DAB1: variants seen among roughly 807,000 people sequenced by gnomAD.
The protein encoded by DAB1 is DAB adaptor protein 1, also known as disabled homolog 1.
In DAB1, 15 loss-of-function variants were observed where a neutral mutation model predicts 64.6. That is an observed-to-expected ratio of 0.23 (90% CI 0.16 to 0.36). The LOEUF (loss-of-function observed/expected upper bound fraction) is 0.36, where lower values mean the gene tolerates loss of function less well. Ranked by LOEUF, DAB1 falls within the 10% of genes least tolerant of loss-of-function variation. DAB1 has a pLI of 1.00. For missense variants in DAB1, 596 were observed against 706.7 expected (o/e 0.84, Z 1.78); for synonymous variants, 235 against 251.9 (o/e 0.93, Z 0.64).
At chr1:58,425,203 A>G (rs1485911264) in intron 3 of DAB1, among the ~76,000 whole-genome samples, 1 of 152,230 alleles carries the variant, frequency 6.6e-6, no homozygotes, top group Non-Finnish European at 1.5e-5. Context: ...TTTTCTAACC[A>G]GGTCCAGAGA....
At chr1:57,769,782 GT>G (rs1649477193) in intron 6 of DAB1, among the ~76,000 whole-genome samples, 1 of 152,172 alleles carries the variant, frequency 6.6e-6, no homozygotes, top group African/African-American at 2.4e-5. Context: ...GTTTTGGGGT[GT>G]TTTAGAACGG....
chr1:58,431,861 T>C (rs1180756568), intron 3 of DAB1, among the ~76,000 whole-genome samples: 3 of 152,160 alleles, frequency 2.0e-5, no homozygotes, highest in African/African-American at 7.2e-5. Context: ...AGATGTGAAC[T>C]GATGAGATGT....
rs374226406 is a variant in DAB1 at position 57,272,904 on chromosome 1, G to A, written c.67+18060C>T. ...CATTCTCCTTTGTTTGTGATAAGAA[G>A]AAATAAGAAAAGTGTGGGAAGAATA... On this transcript the variant is annotated intron_variant, in intron 2 of 14. Transcript: ENST00000371236. Among the ~76,000 whole-genome samples, 108 of 152,296 alleles carry A rather than the reference G, an allele frequency of 7.1e-4. 1 individual carries two copies. Among genetic ancestry groups the A allele is most frequent in the African/African-American group, 2.5e-3 (103 of 41,572 alleles).
At chr1:57,809,525 C>T (rs2101882541) in intron 6 of DAB1, among the ~76,000 whole-genome samples, 1 of 152,214 alleles carries the variant, frequency 6.6e-6, no homozygotes, top group African/African-American at 2.4e-5. Flanking sequence ...CTCCCTTTAC[C>T]TTAAAAAGTT....
At position 57,429,701 on chromosome 1, in the gene DAB1, C is replaced by A. The variant is rs777105972; in HGVS notation, n.626-138535G>T. Among the ~76,000 whole-genome samples, 14 of 152,066 alleles carry A rather than the reference C, an allele frequency of 9.2e-5. 1 individual carries two copies. The highest frequency in any genetic ancestry group is 2.6e-4 in the Admixed American group (4 of 15,258). On this transcript the variant is annotated intron_variant and non_coding_transcript_variant, in intron 7 of 20. Coordinates refer to the DAB1 transcript ENST00000485760. Reference sequence around the variant, plus strand: ...ATAAGGATTCAATTTCATTCTTTTGCTTGTGGACATGCAGTTTTCCCAACA... The same window carrying A: ...ATAAGGATTCAATTTCATTCTTTTGATTGTGGACATGCAGTTTTCCCAACA...
At chr1:58,318,995 T>C (rs1662620747) in intron 4 of DAB1, among the ~76,000 whole-genome samples, 1 of 151,350 alleles carries the variant, frequency 6.6e-6, no homozygotes, top group African/African-American at 2.4e-5. Context: ...GAAAAGGGGG[T>C]TTTGGAGGCA....
chr1:57,741,971 C>T (rs1217777279), intron 6 of DAB1, among the ~76,000 whole-genome samples: 8 of 152,120 alleles, frequency 5.3e-5, no homozygotes, highest in Non-Finnish European at 1.0e-4. Context: ...TATTGGATCT[C>T]CACAGGAGCA....
intron 1 of DAB1, among the ~76,000 whole-genome samples, chr1:57,346,247 A>C (rs1463598216): frequency 1.3e-5 from 2 of 152,204 alleles, no homozygotes; most frequent in Non-Finnish European, 2.9e-5. Context: ...GAGAAGACGG[A>C]GGAGGATCCT....
At chr1:58,439,086 A>G (rs369981473) in intron 3 of DAB1, among the ~76,000 whole-genome samples, 1 of 33,850 alleles carries the variant, frequency 3.0e-5, no homozygotes, top group Non-Finnish European at 6.3e-5. Context: ...ATCGTTCCCC[A>G]CCCACCCACC....
At chr1:57,606,551 A>T (rs1436667173) in intron 7 of DAB1, among the ~76,000 whole-genome samples, 9 of 114,318 alleles carry the variant, frequency 7.9e-5, no homozygotes, top group East Asian at 4.3e-4. Context: ...TATATAATAT[A>T]ATATATTATA....
At chr1:57,140,216 A>T (rs535415) in intron 3 of DAB1, among the ~76,000 whole-genome samples, 20,275 of 152,206 alleles carry the variant, frequency 0.13, 1,501 homozygotes, top group South Asian at 0.18. Context: ...GTAAGTCACC[A>T]CTGGAAACTG....
At chr1:57,868,191 T>C (rs1221054915) in intron 1 of DAB1, among the ~76,000 whole-genome samples, 1 of 152,128 alleles carries the variant, frequency 6.6e-6, no homozygotes, top group African/African-American at 2.4e-5. Context: ...GCACTATTAA[T>C]TTGATTAATA....
intron 2 of DAB1, among the ~76,000 whole-genome samples, chr1:57,170,471 C>T (rs1023688418): frequency 6.6e-6 from 1 of 152,164 alleles, no homozygotes; most frequent in Non-Finnish European, 1.5e-5. Flanking sequence ...CAGGTAGGCA[C>T]ACAAGGGCAA....
At chr1:57,078,548 TG>T (rs1652198710) in intron 4 of DAB1, among the ~76,000 whole-genome samples, 1 of 152,102 alleles carries the variant, frequency 6.6e-6, no homozygotes, top group Non-Finnish European at 1.5e-5. Flanking sequence ...TTGACCAAAG[TG>T]TGATGAAACA....
At chr1:58,070,586 C>T (rs993977492) in intron 5 of DAB1, among the ~76,000 whole-genome samples, 1 of 152,150 alleles carries the variant, frequency 6.6e-6, no homozygotes, top group Non-Finnish European at 1.5e-5. Flanking sequence ...TCCTCTGCTG[C>T]AGTGAACTGA....
chr1:57,477,188 G>C (rs372656355), intron 7 of DAB1, among the ~76,000 whole-genome samples: 2 of 152,130 alleles, frequency 1.3e-5, no homozygotes, highest in African/African-American at 4.8e-5. Context: ...CATGCAAAAC[G>C]GTTGAGTGCT....
intron 6 of DAB1, among the ~76,000 whole-genome samples, chr1:57,720,119 C>G (rs1052143804): frequency 6.6e-6 from 1 of 152,082 alleles, no homozygotes; most frequent in Non-Finnish European, 1.5e-5. Flanking sequence ...TTAATAAGAC[C>G]AGCATACCTA....
At chr1:58,134,004 C>A (rs1175457200) in intron 5 of DAB1, among the ~76,000 whole-genome samples, 1 of 152,140 alleles carries the variant, frequency 6.6e-6, no homozygotes, top group Non-Finnish European at 1.5e-5. Flanking sequence ...GATTATAGCT[C>A]CATGACTAAC....
intron 5 of DAB1, among the ~76,000 whole-genome samples, chr1:58,037,900 GT>G (rs918216433): frequency 6.6e-6 from 1 of 152,088 alleles, no homozygotes; most frequent in Non-Finnish European, 1.5e-5. Context: ...ACTTGGGATG[GT>G]TTTTAAGCTA....
Sources: gnomAD v4.1 joint callset for allele counts (sites outside exome capture counted in the v4.1 genomes callset) on GRCh38, gnomAD v4.1.1 for gene constraint, MANE v1.5 for transcripts, NCBI Gene and HGNC (gene_info 2026-07-23, HGNC 2026-07-21) for gene names.